The following LYSMD3 variants were observed in gnomAD, a reference collection of about 807,000 sequenced individuals.
The protein encoded by LYSMD3 is lysM and putative peptidoglycan-binding domain-containing protein 3.
A neutral mutation model predicts 26.1 loss-of-function variants in LYSMD3; 13 were observed. The ratio of observed to expected loss-of-function variants is 0.50; its 90% CI spans 0.32 to 0.79. The LOEUF is 0.79. Among genes scored for constraint, LYSMD3 ranks in the 30% least tolerant of loss-of-function variants. The pLI is 0.03. For missense variants in LYSMD3, 331 were observed against 362.5 expected (o/e 0.91, Z 0.71); for synonymous variants, 109 against 119.4 (o/e 0.91, Z 0.57).
At chr5:90,520,349 C>T (rs77186277) in intron 2 of LYSMD3, 1 of 454,984 alleles carries the variant, frequency 2.2e-6, no homozygotes, top group Admixed American at 2.4e-5. Context: ...ACTTTAAAAC[C>T]TAATCATGTA....
At chr5:90,520,298 G>A (rs1431432168) in intron 2 of LYSMD3, 2 of 422,048 alleles carry the variant, frequency 4.7e-6, no homozygotes, top group African/African-American at 2.0e-5. Context: ...TGGTATGCCA[G>A]GCTCTCCCAC....
intron 2 of LYSMD3, among the ~76,000 whole-genome samples, chr5:90,521,770 C>A (rs1156268736): frequency 1.3e-5 from 2 of 152,070 alleles, no homozygotes; most frequent in East Asian, 3.9e-4. Context: ...TATGCTATGC[C>A]AACTTCCTTG....
At chr5:90,524,735 G>A (rs1726869332) in intron 2 of LYSMD3, among the ~76,000 whole-genome samples, 1 of 152,120 alleles carries the variant, frequency 6.6e-6, no homozygotes, top group African/African-American at 2.4e-5. Context: ...GGGACTACAG[G>A]CGCCTGCCAA....
chr5:90,521,069 C>T (rs985635348), intron 2 of LYSMD3, among the ~76,000 whole-genome samples: 6 of 152,148 alleles, frequency 3.9e-5, no homozygotes, highest in East Asian at 1.9e-4. Context: ...AAGGAGATTA[C>T]GAATGGCCAG....
chr5:90,526,662 G>A (rs892234041), intron 1 of LYSMD3, among the ~76,000 whole-genome samples: 1 of 152,194 alleles, frequency 6.6e-6, no homozygotes, highest in Admixed American at 6.5e-5. Context: ...GACATGAAGA[G>A]AGGGAGTAAA....
At position 90,529,574 on chromosome 5, in the gene LYSMD3, C is replaced by A; in HGVS notation, c.-138G>T. ...ACCCCGTCCGCCTCCGCCTCTGCCG[C>A]CAACGTCTCCGCCTTCCGGGCCGTA... is the stretch of plus-strand genomic sequence containing the variant. On this transcript the variant is annotated 5_prime_UTR_variant, in exon 1 of 3. Coordinates refer to ENST00000315948, the MANE Select transcript of LYSMD3 (RefSeq NM_198273.2). 2.2e-6 allele frequency: 1 copy of A among 456,208 alleles called. No homozygotes were observed. The highest frequency in any genetic ancestry group is 1.5e-5 in the South Asian group (1 of 64,544). 28.3% of individuals were successfully genotyped at this position (456,208 alleles called of 1,614,324 possible).
chr5:90,528,788 G>A (rs1364387725), intron 1 of LYSMD3, among the ~76,000 whole-genome samples: 1 of 152,168 alleles, frequency 6.6e-6, no homozygotes, highest in Non-Finnish European at 1.5e-5. Context: ...ATTACGAGGG[G>A]CCACAAAACA....
intron 1 of LYSMD3, among the ~76,000 whole-genome samples, chr5:90,526,287 C>T (rs1044740326): frequency 6.6e-6 from 1 of 152,180 alleles, no homozygotes; most frequent in African/African-American, 2.4e-5. Context: ...TTAGAGTCCT[C>T]ATCAAATTCA....
At chr5:90,519,514 A>G in intron 2 of LYSMD3, 30 bp from the exon 3 acceptor site, 1 of 1,554,450 alleles carries the variant, frequency 6.4e-7, no homozygotes, top group Non-Finnish European at 8.7e-7. Context: ...GCAACATACA[A>G]CTGAATTCCA....
chr5:90,523,852 A>G (rs954828157), intron 2 of LYSMD3, among the ~76,000 whole-genome samples: 1 of 152,212 alleles, frequency 6.6e-6, no homozygotes, highest in Non-Finnish European at 1.5e-5. Context: ...TATGAGAACA[A>G]AAAGTTTGAA....
Position 90,525,044 on chromosome 5 carries a change from G to T in LYSMD3, c.246C>A (p.Tyr82Ter). The change falls in exon 2 of 3, where the codon TAC becomes TAA. Residue 82 changes from tyrosine (Y) to a stop codon, truncating the protein, a stop_gained. Coordinates refer to ENST00000315948, the MANE Select transcript of LYSMD3 (RefSeq NM_198273.2). LOFTEE classifies it high-confidence loss of function. ...GDTLNAIALQ[Y>*]CCTVADIKRV... is the part of the protein sequence containing the mutation. ...TAATATTAAAACTTACCGTACAACA[G>T]TACTGAAGGGCTATTGCATTTAATG... is the stretch of plus-strand genomic sequence containing the variant. 6.2e-7 allele frequency: 1 copy of T among 1,602,828 alleles called. No individual in the cohort carries two copies. The highest frequency in any genetic ancestry group is 8.5e-7 in the Non-Finnish European group (1 of 1,172,644).
chr5:90,518,248 T>C lies in LYSMD3; in HGVS notation c.*571A>G, dbSNP rs1050178417. 3 of 152,230 alleles carry C rather than the reference T, an allele frequency of 2.0e-5. No individual in the cohort carries two copies. The highest frequency in any genetic ancestry group is 7.2e-5 in the African/African-American group (3 of 41,462). The allele number at this position is 152,230 out of a possible 1,614,324, so 9.4% of individuals were successfully genotyped here. A position where few individuals can be genotyped will look rare whatever the true frequency, so the allele number is the denominator to read the frequency against. ...TTGGGGTCTTGAAAATATTTTAATC[T>C]ATTTCTTGGCCTCTGTTGTAGGAAT... On this transcript the variant is annotated 3_prime_UTR_variant, in exon 3 of 3. Coordinates refer to ENST00000315948, the MANE Select transcript of LYSMD3 (RefSeq NM_198273.2).
At chr5:90,528,873 C>T (rs554921936) in intron 1 of LYSMD3, among the ~76,000 whole-genome samples, 1 of 152,302 alleles carries the variant, frequency 6.6e-6, no homozygotes, top group African/African-American at 2.4e-5. Flanking sequence ...AGAATGGCTG[C>T]TGGGTGTTTC....
Position 90,529,506 on chromosome 5 carries a change from G to A in LYSMD3, c.-70C>T, listed in dbSNP as rs1473192196. On this transcript the variant is annotated 5_prime_UTR_variant, in exon 1 of 3. Transcript: ENST00000315948. ...GATGGCCAAAAGGTCCGCCGCCGCC[G>A]CTGTCCCGGGTAAGTTCATGGCCGA... The A allele has an allele frequency of 2.4e-5, 11 of 456,460 alleles. No homozygotes were observed. Among genetic ancestry groups the A allele is most frequent in the African/African-American group, 4.0e-5 (2 of 50,046 alleles). The allele number at this position is 456,460 out of a possible 1,614,324, so 28.3% of individuals were successfully genotyped here. A position where few individuals can be genotyped will look rare whatever the true frequency, so the allele number is the denominator to read the frequency against.
rs1452462977 is a variant in LYSMD3 at position 90,516,214 on chromosome 5, G to A, written c.*2605C>T. ...ATTTTTAATGTGGCCAGCAGAGTGT[G>A]TAACCATTTTTAACATATCTTTTGA... On this transcript the variant is annotated 3_prime_UTR_variant, in exon 3 of 3. Transcript: ENST00000315948. 1 of 152,062 alleles carries A rather than the reference G, an allele frequency of 6.6e-6. No homozygotes were observed. Among genetic ancestry groups the A allele is most frequent in the African/African-American group, 2.4e-5 (1 of 41,420 alleles). The allele number at this position is 152,062 out of a possible 1,614,324, so 9.4% of individuals were successfully genotyped here. A position where few individuals can be genotyped will look rare whatever the true frequency, so the allele number is the denominator to read the frequency against.
At chr5:90,523,893 T>A (rs2151921825) in intron 2 of LYSMD3, among the ~76,000 whole-genome samples, 1 of 152,308 alleles carries the variant, frequency 6.6e-6, no homozygotes, top group South Asian at 2.1e-4. Flanking sequence ...TCCATATCAA[T>A]GTGGATATAA....
In LYSMD3 at chr5:90,517,670, A is replaced by G. The variant is rs751419852; in HGVS notation, c.*1149T>C. The stretch of plus-strand genomic sequence containing the variant: ...AGATCAGGAAAAAAGTCTAAATTGG[A>G]TATTTTCTCTTTGAAAAACAGAGGT... On this transcript the variant is annotated 3_prime_UTR_variant, in exon 3 of 3. Coordinates refer to ENST00000315948, the MANE Select transcript of LYSMD3 (RefSeq NM_198273.2). 6.6e-6 allele frequency: 1 copy of G among 152,100 alleles called. No homozygotes were observed. Among genetic ancestry groups the G allele is most frequent in the African/African-American group, 2.4e-5 (1 of 41,438 alleles). 9.4% of individuals were successfully genotyped at this position (152,100 alleles called of 1,614,324 possible).
At chr5:90,520,433 G>A in intron 2 of LYSMD3, 1 of 456,140 alleles carries the variant, frequency 2.2e-6, no homozygotes, top group East Asian at 6.9e-5. Context: ...CAACTTGATG[G>A]ACGATGGCAT....
At position 90,519,043 on chromosome 5, in the gene LYSMD3, G is replaced by A. The variant is rs369553276; in HGVS notation, c.697C>T (p.Pro233Ser). ...VIMLIVGIIT[P>S]VFYLLYYEIL... ...TCATAATACAACAAATAAAACACTG[G>A]TGTTATTATACCTACTATCAACATT... The change falls in exon 3 of 3, where the codon CCA becomes TCA. Residue 233 changes from proline to serine, a missense_variant. By Grantham distance (74) the Pro-to-Ser change is moderately conservative. This residue lies in a region of LYSMD3 where 8 missense variants were observed against 28.4 expected (regional missense o/e 0.28). Coordinates refer to ENST00000315948, the MANE Select transcript of LYSMD3 (RefSeq NM_198273.2). 1.2e-6 allele frequency: 2 copies of A among 1,613,814 alleles called. No individual in the cohort carries two copies. Among genetic ancestry groups the A allele is most frequent in the Non-Finnish European group, 1.7e-6 (2 of 1,179,946 alleles).
Sources: allele counts gnomAD v4.1 joint callset (sites outside exome capture counted in the v4.1 genomes callset), GRCh38; gene constraint gnomAD v4.1.1; regional missense constraint gnomAD v4.1.1; transcripts MANE v1.5; gene names NCBI Gene and HGNC (gene_info 2026-07-23, HGNC 2026-07-21).